The following GPR161 variants were observed in gnomAD, a reference collection of about 807,000 sequenced individuals.
The protein encoded by GPR161 is G protein-coupled receptor 161.
Under a neutral mutation model 39.2 loss-of-function variants are expected in GPR161, and 25 were observed. The observed-to-expected ratio is 0.64, with a 90% CI of 0.47 to 0.89. The LOEUF (loss-of-function observed/expected upper bound fraction) is 0.89. Ranked by LOEUF, GPR161 falls within the 40% of genes least tolerant of loss-of-function variation. The pLI, the probability that GPR161 is intolerant of heterozygous loss-of-function variation, is 0.00. For missense variants in GPR161, 547 were observed against 677.8 expected (o/e 0.81, Z 2.14); for synonymous variants, 286 against 276.6 (o/e 1.03, Z -0.34).
At chr1:168,114,157 C>T (rs1697438094) in intron 1 of GPR161, among the ~76,000 whole-genome samples, 1 of 152,120 alleles carries the variant, frequency 6.6e-6, no homozygotes. Flanking sequence ...TTGTGTAAAT[C>T]TGGGTTATTT....
chr1:168,107,484 A>C (rs1572318731), intron 1 of GPR161, among the ~76,000 whole-genome samples: 1 of 152,324 alleles, frequency 6.6e-6, no homozygotes, highest in Non-Finnish European at 1.5e-5. Context: ...GCTAGCACTC[A>C]GCCCCCATCC....
chr1:168,087,545 T>A, intron 5 of GPR161, 40 bp downstream of exon 5: 3 of 1,611,466 alleles, frequency 1.9e-6, no homozygotes, highest in Middle Eastern at 1.7e-4. Context: ...CCTTTCCGTT[T>A]CCCTATGTTT....
intron 2 of GPR161, among the ~76,000 whole-genome samples, chr1:168,100,106 G>A (rs963806246): frequency 7.3e-5 from 11 of 151,230 alleles, no homozygotes. Context: ...TTGGGAGGCT[G>A]AGGTGGAAGA....
chr1:168,115,419 T>G (rs1697537283), intron 1 of GPR161, among the ~76,000 whole-genome samples: 1 of 152,184 alleles, frequency 6.6e-6, no homozygotes, highest in African/African-American at 2.4e-5. Flanking sequence ...TGTGCCTGCC[T>G]CAGCCTCCTC....
At chr1:168,102,915 A>ATT in intron 2 of GPR161, among the ~76,000 whole-genome samples, 1 of 147,594 alleles carries the variant, frequency 6.8e-6, no homozygotes, top group East Asian at 1.9e-4. Flanking sequence ...TTTTTTTTAA[A>ATT]AAAAAATTAT....
chr1:168,137,172 G>T, upstream of GPR161: 5 of 1,397,272 alleles, frequency 3.6e-6, no homozygotes, highest in Non-Finnish European at 4.6e-6. Flanking sequence ...TACCCTCTCG[G>T]CTCGCCCCAC....
At chr1:168,132,964 C>T (rs1461907036) in intron 1 of GPR161, among the ~76,000 whole-genome samples, 3 of 152,214 alleles carry the variant, frequency 2.0e-5, no homozygotes, top group Non-Finnish European at 2.9e-5. Context: ...AGGCTGGTCT[C>T]GAACTCCTGA....
intron 1 of GPR161, among the ~76,000 whole-genome samples, chr1:168,126,463 G>GTT (rs138538350): frequency 1.3e-5 from 2 of 151,596 alleles, no homozygotes; most frequent in Non-Finnish European, 2.9e-5. Context: ...GTTTTGTTTT[G>GTT]TTTTTTTTGA....
chr1:168,121,451 C>T (rs1698151841), intron 1 of GPR161, among the ~76,000 whole-genome samples: 1 of 152,176 alleles, frequency 6.6e-6, no homozygotes, highest in Admixed American at 6.5e-5. Flanking sequence ...TGGCCTCTCT[C>T]CCAGTTCTCC....
At chr1:168,135,726 C>G (rs751534177) in intron 1 of GPR161, among the ~76,000 whole-genome samples, 4 of 152,208 alleles carry the variant, frequency 2.6e-5, no homozygotes, top group Non-Finnish European at 4.4e-5. Flanking sequence ...GGCCATCCTC[C>G]CCCAGCCCCT....
chr1:168,098,324 G>T lies in GPR161; in HGVS notation c.375-1092C>A, dbSNP rs990755293. Among the ~76,000 whole-genome samples, 3 of 152,226 alleles carry T rather than the reference G, an allele frequency of 2.0e-5. No individual in the cohort carries two copies. Among genetic ancestry groups the T allele is most frequent in the Admixed American group, 6.5e-5 (1 of 15,288 alleles). On this transcript the variant is annotated intron_variant, in intron 2 of 5. Coordinates refer to ENST00000682931, the MANE Select transcript of GPR161 (RefSeq NM_001375883.1). The surrounding 1 kb of genome is among the most constrained non-coding windows in gnomAD (Gnocchi z 4.1). Reference sequence around the variant, plus strand: ...GCCGGGGCATGCAGAGCTAAGGACTGTAGGCCCAGCTAAGGACTGGCCCTT... The same window carrying T: ...GCCGGGGCATGCAGAGCTAAGGACTTTAGGCCCAGCTAAGGACTGGCCCTT...
At chr1:168,130,098 C>T (rs894326112) in intron 1 of GPR161, among the ~76,000 whole-genome samples, 1 of 152,222 alleles carries the variant, frequency 6.6e-6, no homozygotes, top group Non-Finnish European at 1.5e-5. Context: ...ACCTGCTAAT[C>T]ATCCTACCCT....
Position 168,085,256 on chromosome 1 carries a change from AT to A in GPR161, c.*274del, listed in dbSNP as rs979422187. 4.9e-4 allele frequency: 249 copies of A among 506,558 alleles called. No individual in the cohort carries two copies. Among genetic ancestry groups the A allele is most frequent in the East Asian group, 9.1e-4 (25 of 27,516 alleles). The allele number at this position is 506,558 out of a possible 1,614,324, so 31.4% of individuals were successfully genotyped here. A position where few individuals can be genotyped will look rare whatever the true frequency, so the allele number is the denominator to read the frequency against. ...CAAAAAGCCACAGCCACATCTCTAG[AT>A]TTTTTTTTGGTTTTTTTTTTGCTTT... is the stretch of plus-strand genomic sequence containing the variant. On this transcript the variant is annotated 3_prime_UTR_variant, in exon 6 of 6. Transcript: ENST00000682931.
Position 168,096,580 on chromosome 1 carries a change from G to T in GPR161, c.1027C>A (p.Arg343=), listed in dbSNP as rs776271486. Residue 343 remains arginine, a synonymous_variant, in exon 3 of 6, where the codon CGG becomes AGG. Transcript: ENST00000682931. The stretch of plus-strand genomic sequence containing the variant: ...TGCACAAATGGTTCCCGATAATACC[G>T]GTCCCCAAAGCACATGCCCAGTAGT... The part of the protein sequence containing the change: ...KELLGMCFGD[R]YYREPFVQRQ... The T allele has an allele frequency of 1.3e-5, 21 of 1,613,978 alleles. No homozygotes were observed. Among genetic ancestry groups the T allele is most frequent in the Non-Finnish European group, 1.4e-5 (17 of 1,179,976 alleles).
chr1:168,086,236 ATCTC>A (rs1694480770), intron 5 of GPR161, among the ~76,000 whole-genome samples: 1 of 152,134 alleles, frequency 6.6e-6, no homozygotes, highest in Non-Finnish European at 1.5e-5. Flanking sequence ...CCCTAATGTC[ATCTC>A]TCTCCTCTCC....
intron 1 of GPR161, chr1:168,136,336 T>G (rs2102279684): frequency 6.8e-7 from 1 of 1,480,270 alleles, no homozygotes; most frequent in East Asian, 2.8e-5. Context: ...TGGAGTCTCT[T>G]GGCCCCAGGG....
intron 1 of GPR161, chr1:168,135,955 C>G: frequency 1.1e-6 from 1 of 925,072 alleles, no homozygotes; most frequent in Non-Finnish European, 1.4e-6. Context: ...CAATGCGCAG[C>G]TATGTGGTTA....
rs1341460989 is a variant in GPR161, at chr1:168,080,456, CCTT to C, written c.*5072_*5074del. ...CCCACAAGGACAGTATGGCTCTGCT[CCTT>C]CTTATAGGCATATATGGCTAATCAC... On this transcript the variant is annotated 3_prime_UTR_variant, in exon 6 of 6. Coordinates refer to ENST00000682931, the MANE Select transcript of GPR161 (RefSeq NM_001375883.1). 1.3e-5 allele frequency: 2 copies of C among 152,248 alleles called. No individual in the cohort carries two copies. Among genetic ancestry groups the C allele is most frequent in the Admixed American group, 6.5e-5 (1 of 15,286 alleles). 9.4% of individuals were successfully genotyped at this position (152,248 alleles called of 1,614,324 possible). A position where few individuals can be genotyped will look rare whatever the true frequency, so the allele number is the denominator to read the frequency against.
chr1:168,086,248 T>C (rs1204783978), intron 5 of GPR161, among the ~76,000 whole-genome samples: 1 of 152,134 alleles, frequency 6.6e-6, no homozygotes, highest in Admixed American at 6.5e-5. Context: ...CTCTCTCCTC[T>C]CCATATTTGC....
Sources: gnomAD v4.1 joint callset for allele counts (sites outside exome capture counted in the v4.1 genomes callset) on GRCh38, gnomAD v4.1.1 for gene constraint, Gnocchi (gnomAD v3.1) non-coding constraint, MANE v1.5 for transcripts, NCBI Gene and HGNC (gene_info 2026-07-23, HGNC 2026-07-21) for gene names.